FAM53A: variants seen among roughly 807,000 people sequenced by gnomAD.
The protein encoded by FAM53A is protein FAM53A.
In FAM53A, 28 loss-of-function variants were observed where a neutral mutation model predicts 26.6. That is an observed-to-expected ratio of 1.05 (90% CI 0.78 to 1.45). FAM53A has a LOEUF of 1.45. Ranked by LOEUF, FAM53A falls within the 40% of genes most tolerant of loss-of-function variation. The pLI is 0.00. For missense variants in FAM53A, 650 were observed against 575.8 expected (o/e 1.13, Z -1.32); for synonymous variants, 290 against 253.1 (o/e 1.15, Z -1.38).
intron 2 of FAM53A, among the ~76,000 whole-genome samples, chr4:1,662,348 G>A (rs946407750): frequency 2.0e-5 from 3 of 151,788 alleles, no homozygotes; most frequent in Non-Finnish European, 2.9e-5. Flanking sequence ...GCGTGATGGT[G>A]GATGCCTGTA....
intron 2 of FAM53A, among the ~76,000 whole-genome samples, chr4:1,667,918 A>G (rs993659711): frequency 2.0e-5 from 3 of 152,070 alleles, no homozygotes; most frequent in African/African-American, 4.8e-5. Context: ...TCACTTCACC[A>G]TGACTGTAGG....
At chr4:1,660,860 G>A (rs1157901941) in intron 2 of FAM53A, among the ~76,000 whole-genome samples, 2 of 151,200 alleles carry the variant, frequency 1.3e-5, no homozygotes, top group Non-Finnish European at 2.9e-5. Flanking sequence ...CAGCCTGGGT[G>A]ACAGAGCCAG....
chr4:1,651,905 G>T (rs1192733141), intron 4 of FAM53A, among the ~76,000 whole-genome samples: 1 of 151,786 alleles, frequency 6.6e-6, no homozygotes, highest in African/African-American at 2.4e-5. Context: ...CACACAGCGG[G>T]GGTTTCTCCT....
At chr4:1,650,271 G>A (rs1235009965) in intron 4 of FAM53A, among the ~76,000 whole-genome samples, 2 of 145,668 alleles carry the variant, frequency 1.4e-5, no homozygotes, top group Admixed American at 6.8e-5. Context: ...AAGGCGTGGC[G>A]TTTGACTGTG....
At chr4:1,576,084 A>G in the FAM53A span, among the ~76,000 whole-genome samples, 2 of 152,142 alleles carry the variant, frequency 1.3e-5, no homozygotes, top group Non-Finnish European at 2.9e-5. Context: ...CGGCCCGTGC[A>G]CTGGTGAGAG....
chr4:1,583,719 G>A, the FAM53A span, among the ~76,000 whole-genome samples: 427 of 152,330 alleles, frequency 2.8e-3, 1 homozygote, highest in Admixed American at 4.3e-3. Context: ...GGATTGAAGC[G>A]TTAGTGTCGT....
At chr4:1,574,651 C>G in the FAM53A span, 1 of 152,592 alleles carries the variant, frequency 6.6e-6, no homozygotes, top group Non-Finnish European at 1.5e-5. Context: ...TCAAGGGACC[C>G]CCAGCCCCAC....
chr4:1,653,227 G>A (rs895244563), intron 4 of FAM53A, among the ~76,000 whole-genome samples: 2 of 152,030 alleles, frequency 1.3e-5, no homozygotes, highest in African/African-American at 4.8e-5. Flanking sequence ...GGGTGTCCAT[G>A]AGCCCTGGTC....
Position 1,655,280 on chromosome 4 carries a change from A to C in FAM53A, c.580T>G (p.Phe194Val). The change falls in exon 4 of 5, where the codon TTC (phenylalanine) becomes GTC (valine). Residue 194 changes from phenylalanine (F) to valine (V), a missense_variant. Coordinates refer to ENST00000308132, the MANE Select transcript of FAM53A (RefSeq NM_001174070.3). ...GCACTGCCCTCGCTGCTGTCCACGA[A>C]GCCGCCGCTGGCGGAGGACGGCCGG... Reference protein sequence around the residue: ...TPRPSSASGGFVDSSEGSAGS... With the variant: ...TPRPSSASGGVVDSSEGSAGS... The C allele has an allele frequency of 7.0e-7, 1 of 1,426,312 alleles. No individual in the cohort carries two copies. The allele number at this position is 1,426,312 out of a possible 1,614,324, so 88.4% of individuals were successfully genotyped here.
At chr4:1,596,013 A>G in the FAM53A span, among the ~76,000 whole-genome samples, 1 of 152,248 alleles carries the variant, frequency 6.6e-6, no homozygotes, top group Non-Finnish European at 1.5e-5. Flanking sequence ...ACGTGGGGCC[A>G]CAAGAGTGGC....
chr4:1,601,985 A>G, the FAM53A span, among the ~76,000 whole-genome samples: 1 of 38,526 alleles, frequency 2.6e-5, no homozygotes, highest in South Asian at 9.1e-4. Context: ...GAGGTGGGAC[A>G]GTGGAGGTGG....
the FAM53A span, among the ~76,000 whole-genome samples, chr4:1,584,010 G>A: frequency 6.6e-6 from 1 of 152,128 alleles, no homozygotes; most frequent in African/African-American, 2.4e-5. Context: ...TCGTGTCTCT[G>A]CCCCTTTTTC....
chr4:1,587,249 T>A, the FAM53A span, among the ~76,000 whole-genome samples: 1 of 152,196 alleles, frequency 6.6e-6, no homozygotes, highest in Non-Finnish European at 1.5e-5. Flanking sequence ...TGTGACATAC[T>A]TCCAATTATC....
the FAM53A span, among the ~76,000 whole-genome samples, chr4:1,590,494 C>T: frequency 1.3e-5 from 2 of 152,072 alleles, no homozygotes; most frequent in African/African-American, 4.8e-5. Context: ...ACAATAAAAA[C>T]CTTTCCATTC....
At chr4:1,638,837 A>G (rs1372583866), downstream of FAM53A, among the ~76,000 whole-genome samples, 1 of 152,222 alleles carries the variant, frequency 6.6e-6, no homozygotes, top group Non-Finnish European at 1.5e-5. Context: ...AAGGGGACTC[A>G]GGTAGCGAGA....
rs1364447992 is a variant in FAM53A at position 1,684,276 on chromosome 4, G to C, written c.-208C>G. 4 of 150,988 alleles carry C rather than the reference G, an allele frequency of 2.6e-5. No homozygotes were observed. Among genetic ancestry groups the C allele is most frequent in the African/African-American group, 9.7e-5 (4 of 41,188 alleles). The allele number at this position is 150,988 out of a possible 1,614,324, so 9.4% of individuals were successfully genotyped here. On this transcript the variant is annotated 5_prime_UTR_variant, in exon 1 of 5. Coordinates refer to ENST00000308132, the MANE Select transcript of FAM53A (RefSeq NM_001174070.3). Reference sequence around the variant, plus strand: ...GTGCGGAGCGAGAAGACTGCCGGCCGCCCAGGCCCCGCTCGCTCAGGGCGA... The same window carrying C: ...GTGCGGAGCGAGAAGACTGCCGGCCCCCCAGGCCCCGCTCGCTCAGGGCGA...
intron 1 of FAM53A, among the ~76,000 whole-genome samples, chr4:1,620,225 T>A (rs1714970434): frequency 6.6e-6 from 1 of 150,834 alleles, no homozygotes; most frequent in Admixed American, 6.6e-5. Context: ...AAAAAATTAA[T>A]TAATTAAAAA....
chr4:1,684,507 T>G (rs895922643), upstream of FAM53A, among the ~76,000 whole-genome samples: 10 of 149,626 alleles, frequency 6.7e-5, no homozygotes, highest in African/African-American at 2.2e-4. Context: ...CAGCGCGCCC[T>G]GTGCGAGGGT....
At chr4:1,623,119 G>A (rs980415529) in intron 1 of FAM53A, among the ~76,000 whole-genome samples, 18 of 152,176 alleles carry the variant, frequency 1.2e-4, no homozygotes, top group Non-Finnish European at 2.1e-4. Context: ...GGTCCCCCAC[G>A]CTGAGCAGCA....
Sources: gnomAD v4.1 joint callset for allele counts (sites outside exome capture counted in the v4.1 genomes callset) on GRCh38, gnomAD v4.1.1 for gene constraint, MANE v1.5 for transcripts, NCBI Gene and HGNC (gene_info 2026-07-23, HGNC 2026-07-21) for gene names.